Variants in SCN1A observed in about 807,000 individuals in gnomAD.
SCN1A encodes the protein sodium voltage-gated channel alpha subunit 1.
SCN1A carries 13 observed loss-of-function variants against 193.7 expected under a neutral mutation model. The observed-to-expected ratio is 0.07, with a 90% CI of 0.04 to 0.11. The LOEUF (loss-of-function observed/expected upper bound fraction) is 0.11. Ranked by LOEUF, SCN1A falls within the 10% of genes least tolerant of loss-of-function variation. The pLI, the probability that SCN1A is intolerant of heterozygous loss-of-function variation, is 1.00. For missense variants in SCN1A, 1,432 were observed against 2,451.1 expected (o/e 0.58, Z 8.78); for synonymous variants, 781 against 843.6 (o/e 0.93, Z 1.29).
chr2:166,056,869 G>A (rs904908125), intron 5 of SCN1A, among the ~76,000 whole-genome samples: 14 of 151,940 alleles, frequency 9.2e-5, no homozygotes, highest in Admixed American at 3.3e-4. Flanking sequence ...ATTGACTTGA[G>A]CTCATTCAGG....
intron 19 of SCN1A, among the ~76,000 whole-genome samples, chr2:166,035,620 C>T (rs1696226124): frequency 6.6e-6 from 1 of 152,174 alleles, no homozygotes; most frequent in African/African-American, 2.4e-5. Context: ...AACTTTATAG[C>T]TTACCCTAGT....
chr2:166,106,085 G>A (rs951466552), intron 2 of SCN1A, among the ~76,000 whole-genome samples: 1 of 152,196 alleles, frequency 6.6e-6, no homozygotes, highest in Non-Finnish European at 1.5e-5. Context: ...TACTCAGGAG[G>A]CTAAGGCAGG....
chr2:166,017,209 A>G (rs1693422655), intron 19 of SCN1A, among the ~76,000 whole-genome samples: 1 of 151,844 alleles, frequency 6.6e-6, no homozygotes, highest in African/African-American at 2.4e-5. Flanking sequence ...AGGCCTGCAT[A>G]CTATGCTCAG....
At chr2:166,008,810 G>A (rs997320592) in intron 23 of SCN1A, among the ~76,000 whole-genome samples, 2 of 150,456 alleles carry the variant, frequency 1.3e-5, no homozygotes, top group Non-Finnish European at 3.0e-5. Context: ...TTTTCTATTG[G>A]AATCACACAA....
intron 14 of SCN1A, among the ~76,000 whole-genome samples, chr2:166,043,106 CACAG>C (rs1697363086): frequency 2.0e-5 from 3 of 152,328 alleles, no homozygotes; most frequent in African/African-American, 7.2e-5. Flanking sequence ...TACCTTTGTA[CACAG>C]ACAATTATTT....
At chr2:166,059,796 A>C (rs144319773) in intron 4 of SCN1A, among the ~76,000 whole-genome samples, 2 of 152,274 alleles carry the variant, frequency 1.3e-5, no homozygotes, top group African/African-American at 4.8e-5. Context: ...TCATTAACAG[A>C]TTTCCCCTAT....
rs146302192 is a variant in SCN1A, at chr2:166,101,907, A to G, written c.-141-24106T>C. Among the ~76,000 whole-genome samples the G allele has an allele frequency of 8.8e-3, 1,341 of 152,330 alleles. 19 individuals are homozygous for G. Among genetic ancestry groups the G allele is most frequent in the African/African-American group, 0.03 (1,261 of 41,570 alleles). On this transcript the variant is annotated intron_variant, in intron 2 of 28. Coordinates refer to ENST00000674923, the MANE Select transcript of SCN1A (RefSeq NM_001165963.4). ...TAAAATAAAGAGCATCTGCACAACA[A>G]AAACAAAACTATCAATAGAGTAAAC...
chr2:166,137,004 G>C (rs948302043), intron 1 of SCN1A, among the ~76,000 whole-genome samples: 2 of 152,138 alleles, frequency 1.3e-5, no homozygotes, highest in African/African-American at 2.4e-5. Flanking sequence ...CCCTCTACTT[G>C]TCCATTATTC....
chr2:165,991,189 ATCACCT>A lies in SCN1A; in HGVS notation c.*50_*55del, dbSNP rs1293909569. 21 of 1,480,698 alleles carry A rather than the reference ATCACCT, an allele frequency of 1.4e-5. No individual in the cohort carries two copies. Among genetic ancestry groups the A allele is most frequent in the Non-Finnish European group, 1.8e-5 (20 of 1,086,190 alleles). The allele number at this position is 1,480,698 out of a possible 1,614,324, so 91.7% of individuals were successfully genotyped here. On this transcript the variant is annotated 3_prime_UTR_variant, in exon 29 of 29. Transcript: ENST00000674923. ...AAAGGAGTCCTGTTGATAAAAATAC[ATCACCT>A]TCACAGGCTGTAAACAATTTGTCAC...
chr2:166,048,554 T>C (rs2105872083), intron 10 of SCN1A, among the ~76,000 whole-genome samples: 1 of 152,278 alleles, frequency 6.6e-6, no homozygotes, highest in Middle Eastern at 3.4e-3. Context: ...TATGGCTGCA[T>C]AGTATCCCAT....
At chr2:166,051,671 C>G (rs761928392) in intron 9 of SCN1A, 48 bp downstream of exon 9, 1 of 1,433,156 alleles carries the variant, frequency 7.0e-7, no homozygotes, top group South Asian at 1.2e-5. Flanking sequence ...GTGTTACAAA[C>G]AATCCAATTC....
At chr2:166,121,049 C>T (rs949222624) in intron 2 of SCN1A, among the ~76,000 whole-genome samples, 1 of 150,578 alleles carries the variant, frequency 6.6e-6, no homozygotes. Context: ...GATTCATGAC[C>T]CAAACTTGAC....
Position 166,055,407 on chromosome 2 carries a change from A to C in SCN1A, c.474-641T>G, listed in dbSNP as rs1699029399. 1.3e-5 allele frequency among the ~76,000 whole-genome samples: 2 copies of C among 151,970 alleles called. 1 individual carries two copies. The highest frequency in any genetic ancestry group is 4.1e-4 in the South Asian group (2 of 4,830). On this transcript the variant is annotated intron_variant, in intron 6 of 28. Coordinates refer to ENST00000674923, the MANE Select transcript of SCN1A (RefSeq NM_001165963.4). ...AATCACAAGAAAACTAGGGCGACTG[A>C]AAACCTGTGGGGCCTCCCATATTAG...
chr2:166,025,194 A>ATGAT (rs1223870327), intron 19 of SCN1A, among the ~76,000 whole-genome samples: 1 of 152,080 alleles, frequency 6.6e-6, no homozygotes. Context: ...TCTCATTGAG[A>ATGAT]TGATGTCAAG....
intron 22 of SCN1A, 39 bp from the exon 23 acceptor site, chr2:166,009,880 CATCATTCAATG>C (rs1173050314): frequency 6.3e-7 from 1 of 1,591,396 alleles, no homozygotes; most frequent in Non-Finnish European, 8.6e-7. Flanking sequence ...TAAACAGAAT[CATCATTCAATG>C]TGTAGTTGCT....
intron 24 of SCN1A, among the ~76,000 whole-genome samples, chr2:166,002,172 A>C (rs1254725798): frequency 6.6e-6 from 1 of 151,528 alleles, no homozygotes; most frequent in African/African-American, 2.4e-5. Flanking sequence ...AAAAATGGCA[A>C]AGTTACTGAT....
At chr2:166,017,286 G>T (rs1037327773) in intron 19 of SCN1A, among the ~76,000 whole-genome samples, 2 of 151,906 alleles carry the variant, frequency 1.3e-5, no homozygotes, top group African/African-American at 4.8e-5. Context: ...CTTTCGGGTT[G>T]CATTTAGCTT....
intron 2 of SCN1A, among the ~76,000 whole-genome samples, chr2:166,092,201 T>C (rs1382201400): frequency 6.6e-6 from 1 of 152,174 alleles, no homozygotes; most frequent in African/African-American, 2.4e-5. Context: ...ATTGCATTCA[T>C]AAAAATCATG....
chr2:166,104,847 T>C (rs1470590288), intron 2 of SCN1A, among the ~76,000 whole-genome samples: 1 of 152,270 alleles, frequency 6.6e-6, no homozygotes, highest in African/African-American at 2.4e-5. Context: ...AGAGCCGATT[T>C]GGCTACTTTG....
Sources: allele counts gnomAD v4.1 joint callset (sites outside exome capture counted in the v4.1 genomes callset), GRCh38; gene constraint gnomAD v4.1.1; transcripts MANE v1.5; gene names NCBI Gene and HGNC (gene_info 2026-07-23, HGNC 2026-07-21).